Variants in PCGF6 observed in about 807,000 individuals in gnomAD.
PCGF6 encodes the protein polycomb group RING finger protein 6.
In PCGF6, 24 loss-of-function variants were observed where a neutral mutation model predicts 45.5. The observed-to-expected ratio is 0.53, with a 90% CI of 0.38 to 0.74. PCGF6 has a LOEUF of 0.74. Ranked by LOEUF, PCGF6 falls within the 30% of genes least tolerant of loss-of-function variation. The pLI is 0.00. For missense variants in PCGF6, 356 were observed against 443.2 expected (o/e 0.80, Z 1.77); for synonymous variants, 152 against 162.1 (o/e 0.94, Z 0.47).
chr10:103,339,810 A>AAAAC (rs1554865094), intron 6 of PCGF6, among the ~76,000 whole-genome samples: 48 of 32,228 alleles, frequency 1.5e-3, no homozygotes, highest in Non-Finnish European at 2.4e-3. Flanking sequence ...TCAAAAAAAA[A>AAAAC]ACACACACAC....
At chr10:103,339,060 A>G (rs1440013019) in intron 6 of PCGF6, among the ~76,000 whole-genome samples, 1 of 152,060 alleles carries the variant, frequency 6.6e-6, no homozygotes, top group Non-Finnish European at 1.5e-5. Flanking sequence ...TGTCATGAAA[A>G]CAGTTTCCTA....
intron 9 of PCGF6, among the ~76,000 whole-genome samples, chr10:103,309,877 G>A (rs555098318): frequency 6.6e-6 from 1 of 152,272 alleles, no homozygotes; most frequent in East Asian, 1.9e-4. Flanking sequence ...CCCAGGTTGA[G>A]GCTACACTGA....
rs1249530044 is a variant in PCGF6, at chr10:103,351,120, C to T, written c.-54G>A. ...GCGGCGGGAGAGCGCGGGAGTTCGG[C>T]CGGCCTCGGACGCCACCACTGCGCA... is the stretch of plus-strand genomic sequence containing the variant. On this transcript the variant is annotated 5_prime_UTR_variant, in exon 1 of 10. Coordinates refer to ENST00000369847, the MANE Select transcript of PCGF6 (RefSeq NM_001011663.2). 25 of 1,335,810 alleles carry T rather than the reference C, an allele frequency of 1.9e-5. No homozygotes were observed. Among genetic ancestry groups the T allele is most frequent in the Middle Eastern group, 2.1e-4 (1 of 4,726 alleles). The allele number at this position is 1,335,810 out of a possible 1,614,324, so 82.7% of individuals were successfully genotyped here. A position where few individuals can be genotyped will look rare whatever the true frequency, so the allele number is the denominator to read the frequency against.
At chr10:103,323,286 T>C (rs1459569305) in intron 8 of PCGF6, among the ~76,000 whole-genome samples, 1 of 152,148 alleles carries the variant, frequency 6.6e-6, no homozygotes, top group Non-Finnish European at 1.5e-5. Context: ...CTAAAAACAC[T>C]AGCAAACTTT....
intron 8 of PCGF6, among the ~76,000 whole-genome samples, chr10:103,325,597 A>G (rs778057661): frequency 1.3e-5 from 2 of 152,142 alleles, no homozygotes; most frequent in Admixed American, 6.6e-5. Flanking sequence ...GATGTCCTAT[A>G]AAGAAAGCGG....
intron 9 of PCGF6, among the ~76,000 whole-genome samples, chr10:103,310,412 G>A (rs1341011604): frequency 6.6e-6 from 1 of 152,130 alleles, no homozygotes; most frequent in Admixed American, 6.6e-5. Context: ...TGTATGTGAA[G>A]GAGGGGTTTG....
intron 8 of PCGF6, among the ~76,000 whole-genome samples, chr10:103,320,259 T>C (rs2093192075): frequency 6.6e-6 from 1 of 152,038 alleles, no homozygotes; most frequent in Non-Finnish European, 1.5e-5. Context: ...CAAAGCAAAA[T>C]ACAATAAGAC....
intron 9 of PCGF6, among the ~76,000 whole-genome samples, chr10:103,307,853 A>G (rs1444560928): frequency 1.3e-5 from 2 of 152,214 alleles, no homozygotes; most frequent in Non-Finnish European, 2.9e-5. Flanking sequence ...TTGTTAAGTG[A>G]CGCATAACTG....
chr10:103,341,382 A>T (rs1392588099), intron 6 of PCGF6, among the ~76,000 whole-genome samples: 1 of 148,506 alleles, frequency 6.7e-6, no homozygotes, highest in African/African-American at 2.5e-5. Flanking sequence ...TCGGTCTCCC[A>T]AGTAGGTAGG....
At chr10:103,315,545 G>C (rs971227958) in intron 8 of PCGF6, among the ~76,000 whole-genome samples, 1 of 152,152 alleles carries the variant, frequency 6.6e-6, no homozygotes, top group African/African-American at 2.4e-5. Context: ...ATTTTTAGTA[G>C]AGACGGGGTT....
At chr10:103,336,349 CA>C (rs2093257300) in intron 6 of PCGF6, among the ~76,000 whole-genome samples, 1 of 150,836 alleles carries the variant, frequency 6.6e-6, no homozygotes, top group Admixed American at 6.6e-5. Context: ...GAAATTATAT[CA>C]ATATATAAAT....
At chr10:103,343,977 G>C (rs887851783) in intron 6 of PCGF6, among the ~76,000 whole-genome samples, 1 of 151,864 alleles carries the variant, frequency 6.6e-6, no homozygotes, top group East Asian at 1.9e-4. Context: ...ATATGAATTT[G>C]TTTACGGCAA....
chr10:103,341,406 A>C (rs1428725672), intron 6 of PCGF6, among the ~76,000 whole-genome samples: 2 of 149,774 alleles, frequency 1.3e-5, no homozygotes, highest in Admixed American at 1.3e-4. Flanking sequence ...AAAGGCGCGC[A>C]CCACCATGCC....
intron 8 of PCGF6, among the ~76,000 whole-genome samples, chr10:103,325,708 G>C (rs1395403093): frequency 6.6e-6 from 1 of 152,062 alleles, no homozygotes; most frequent in African/African-American, 2.4e-5. Context: ...CTAATAGATT[G>C]CCATCAGTGG....
At chr10:103,310,795 G>A (rs868338108) in intron 9 of PCGF6, among the ~76,000 whole-genome samples, 7 of 151,954 alleles carry the variant, frequency 4.6e-5, no homozygotes, top group Non-Finnish European at 5.9e-5. Flanking sequence ...TCAACCTCTC[G>A]GGTCAATCAA....
At chr10:103,309,954 CTTT>C (rs775316303) in intron 9 of PCGF6, among the ~76,000 whole-genome samples, 3 of 141,474 alleles carry the variant, frequency 2.1e-5, no homozygotes, top group African/African-American at 2.6e-5. Context: ...CCTTGTCTTT[CTTT>C]TTTTTTTTTT....
At chr10:103,318,753 AAG>A (rs1354662091) in intron 8 of PCGF6, among the ~76,000 whole-genome samples, 2 of 152,022 alleles carry the variant, frequency 1.3e-5, no homozygotes, top group African/African-American at 4.8e-5. Flanking sequence ...GAAAAAAAAA[AAG>A]AAAAAAGAAA....
At position 103,336,989 on chromosome 10, in the gene PCGF6, T is replaced by C. The variant is rs561639503; in HGVS notation, c.783-3037A>G. Among the ~76,000 whole-genome samples the C allele has an allele frequency of 2.0e-5, 3 of 152,312 alleles. No individual in the cohort carries two copies. The South Asian group carries it at 6.2e-4, about 32-fold the overall frequency. ...TATTGTGAATCAGACCAATTTTTCT[T>C]TTATTTGGTAACCCTTTAAAGATTT... On this transcript the variant is annotated intron_variant, in intron 6 of 9. Coordinates refer to ENST00000369847, the MANE Select transcript of PCGF6 (RefSeq NM_001011663.2).
rs2093126712 is a variant in PCGF6 at position 103,303,525 on chromosome 10, C to T, written c.*380G>A. On this transcript the variant is annotated 3_prime_UTR_variant, in exon 10 of 10. Coordinates refer to ENST00000369847, the MANE Select transcript of PCGF6 (RefSeq NM_001011663.2). ...GCACACTTCTCTTCCAAAAAGATGA[C>T]TGCCCAACTGATGCCATCCCAGAGA... The T allele has an allele frequency of 1.2e-5, 2 of 167,128 alleles. No homozygotes were observed. Among genetic ancestry groups the T allele is most frequent in the African/African-American group, 4.8e-5 (2 of 41,974 alleles). The allele number at this position is 167,128 out of a possible 1,614,324, so 10.4% of individuals were successfully genotyped here.
Sources: allele counts gnomAD v4.1 joint callset (sites outside exome capture counted in the v4.1 genomes callset), GRCh38; gene constraint gnomAD v4.1.1; transcripts MANE v1.5; gene names NCBI Gene and HGNC (gene_info 2026-07-23, HGNC 2026-07-21).